SLC11A1: variants seen among roughly 807,000 people sequenced by gnomAD.
The protein encoded by SLC11A1 is natural resistance-associated macrophage protein 1.
In SLC11A1, 59 loss-of-function variants were observed where a neutral mutation model predicts 63.2. The observed-to-expected ratio is 0.93, with a 90% CI of 0.76 to 1.16. The LOEUF (loss-of-function observed/expected upper bound fraction) is 1.16, where lower values mean the gene tolerates loss of function less well. Among genes scored for constraint, SLC11A1 ranks in the 50% most tolerant of loss-of-function variants. The pLI, the probability that SLC11A1 is intolerant of heterozygous loss-of-function variation, is 0.00. For synonymous variants in SLC11A1, 305 were observed against 307.8 expected, an observed-to-expected ratio of 0.99 and a Z score of 0.09; for missense variants, 688 against 730.7, an observed-to-expected ratio of 0.94 and a Z score of 0.67.
rs577206629 is a variant in SLC11A1, at chr2:218,395,345, G to A, written c.*310G>A. Reference sequence around the variant, plus strand: ...AAAAGGTATTTATTGAGCACCTGCAGGCGTGACCTGACAGCCCAAGGGTGG... The same window carrying A: ...AAAAGGTATTTATTGAGCACCTGCAAGCGTGACCTGACAGCCCAAGGGTGG... On this transcript the variant is annotated 3_prime_UTR_variant, in exon 15 of 15. Coordinates refer to ENST00000233202, the MANE Select transcript of SLC11A1 (RefSeq NM_000578.4). 1.5e-3 allele frequency: 485 copies of A among 316,058 alleles called. 2 individuals carry two copies. The highest frequency in any genetic ancestry group is 9.9e-3 in the African/African-American group (466 of 47,282). The allele number at this position is 316,058 out of a possible 1,614,324, so 19.6% of individuals were successfully genotyped here. A position where few individuals can be genotyped will look rare whatever the true frequency, so the allele number is the denominator to read the frequency against.
At chr2:218,387,385 C>G (rs1696160674) in intron 6 of SLC11A1, among the ~76,000 whole-genome samples, 155 bp downstream of exon 6, 1 of 152,214 alleles carries the variant, frequency 6.6e-6, no homozygotes, top group South Asian at 2.1e-4. Context: ...CTCTCTTCAC[C>G]TGTAACATGG....
Position 218,387,596 on chromosome 2 carries a change from CCT to C in SLC11A1, c.604_605del (p.Leu202TyrfsTer11). On this transcript the variant is annotated frameshift_variant, in exon 7 of 15. Coordinates refer to ENST00000233202, the MANE Select transcript of SLC11A1 (RefSeq NM_000578.4). LOFTEE classifies it high-confidence loss of function. Reference sequence around the variant, plus strand: ...GGAAGCTGGAAGCTTTTTTTGGACTCCTTATAACCATTATGGCCTTGACCTTT... The same window carrying C: ...GGAAGCTGGAAGCTTTTTTTGGACTCTATAACCATTATGGCCTTGACCTTT... ...LRKLEAFFGL[L>X]ITIMALTFGY... The C allele has an allele frequency of 6.2e-7, 1 of 1,614,100 alleles. No individual in the cohort carries two copies. Among genetic ancestry groups the C allele is most frequent in the Non-Finnish European group, 8.5e-7 (1 of 1,180,014 alleles).
Position 218,384,160 on chromosome 2 carries a change from C to G in SLC11A1, c.151-83C>G, listed in dbSNP as rs1695946924. On this transcript the variant is annotated intron_variant, in intron 2 of 14. Transcript: ENST00000233202. The surrounding 1 kb of genome is among the most constrained non-coding windows in gnomAD (Gnocchi z 4.0). Reference sequence around the variant, plus strand: ...GGCTGGGCTGATGAGCCTGTTGGGGCTCCTCTAGGGGATGGCCAAGGCCAG... The same window carrying G: ...GGCTGGGCTGATGAGCCTGTTGGGGGTCCTCTAGGGGATGGCCAAGGCCAG... The G allele has an allele frequency of 7.8e-6, 11 of 1,411,210 alleles. No homozygotes were observed. Among genetic ancestry groups the G allele is most frequent in the Non-Finnish European group, 1.0e-5 (11 of 1,057,862 alleles). 87.4% of individuals were successfully genotyped at this position (1,411,210 alleles called of 1,614,324 possible).
At chr2:218,392,784 A>G (rs1231574823) in intron 11 of SLC11A1, 197 bp from the exon 12 acceptor site, 1 of 494,068 alleles carries the variant, frequency 2.0e-6, no homozygotes, top group African/African-American at 2.0e-5. Context: ...GTCTTCAGCA[A>G]CCAGCTATGG....
At chr2:218,391,311 G>GGGC in intron 10 of SLC11A1, 24 bp downstream of exon 10, 2 of 646,234 alleles carry the variant, frequency 3.1e-6, no homozygotes, top group Non-Finnish European at 2.8e-6. Context: ...GGTGGGGAGG[G>GGGC]CGTGACCCAG....
chr2:218,394,008 G>T, intron 12 of SLC11A1, 112 bp from the exon 13 acceptor site: 1 of 988,394 alleles, frequency 1.0e-6, no homozygotes, highest in Non-Finnish European at 1.5e-6. Context: ...TGTGGTTAGG[G>T]CAGTTGAGCT....
chr2:218,391,131 G>A (rs1696409564), intron 9 of SLC11A1, 67 bp from the exon 10 acceptor site: 1 of 1,411,960 alleles, frequency 7.1e-7, no homozygotes, highest in Non-Finnish European at 1.0e-6. Flanking sequence ...GTCAGTGCTA[G>A]GCAGTCCAGT....
At chr2:218,388,771 C>T (rs894231132) in intron 8 of SLC11A1, among the ~76,000 whole-genome samples, 8 of 151,496 alleles carry the variant, frequency 5.3e-5, no homozygotes, top group Non-Finnish European at 1.2e-4. Flanking sequence ...CATTGCACTC[C>T]AGCCTGAGTG....
intron 3 of SLC11A1, 131 bp from the exon 4 acceptor site, chr2:218,385,016 C>T (rs1021134359): frequency 2.0e-5 from 25 of 1,253,828 alleles, no homozygotes; most frequent in Non-Finnish European, 2.3e-5. Context: ...GCTACCAGCG[C>T]CCAGCCAGGA....
chr2:218,390,049 C>A, intron 9 of SLC11A1, 21 bp downstream of exon 9: 1 of 1,598,260 alleles, frequency 6.3e-7, no homozygotes, highest in Non-Finnish European at 8.5e-7. Flanking sequence ...CTTTCCCCCG[C>A]ACCTGAGGCC....
chr2:218,391,586 T>TTTTCTTTTC (rs2106336800), intron 11 of SLC11A1, 91 bp downstream of exon 11: 2 of 1,331,962 alleles, frequency 1.5e-6, no homozygotes, highest in East Asian at 2.5e-5. Context: ...GTGGGTCCTC[T>TTTTCTTTTC]TTTCTTTTCT....
At chr2:218,394,401 C>G in intron 13 of SLC11A1, 1 of 686,386 alleles carries the variant, frequency 1.5e-6, no homozygotes, top group Non-Finnish European at 2.4e-6. Context: ...AGAGCCTGAG[C>G]GCCTCACTCT....
At chr2:218,393,525 A>G (rs1051326273) in intron 12 of SLC11A1, among the ~76,000 whole-genome samples, 3 of 144,880 alleles carry the variant, frequency 2.1e-5, no homozygotes, top group East Asian at 2.0e-4. Context: ...TACCCAGGCT[A>G]GAGTGCAGTG....
At position 218,387,876 on chromosome 2, in the gene SLC11A1, C is replaced by A. The variant is rs763731326; in HGVS notation, c.716C>A (p.Pro239His). ...CCCTCGTGCCCGGGCTGCGGCCACC[C>A]CGAGCTGCTGCAGGCGGTGGGCATT... Reference protein sequence around the residue: ...FLPSCPGCGHPELLQAVGIVG... With the variant: ...FLPSCPGCGHHELLQAVGIVG... The change falls in exon 8 of 15, where the codon CCC becomes CAC. Residue 239 changes from proline to histidine, a missense_variant. By Grantham distance (77) the Pro-to-His change is moderately conservative. Coordinates refer to ENST00000233202, the MANE Select transcript of SLC11A1 (RefSeq NM_000578.4). 1.0e-5 allele frequency: 16 copies of A among 1,603,280 alleles called. No individual in the cohort carries two copies. The highest frequency in any genetic ancestry group is 1.4e-5 in the Non-Finnish European group (16 of 1,175,398).
At position 218,394,941 on chromosome 2, in the gene SLC11A1, T is replaced by C. The variant is rs781310856; in HGVS notation, c.1559T>C (p.Leu520Pro). The C allele has an allele frequency of 1.2e-6, 2 of 1,613,140 alleles. No individual in the cohort carries two copies. The highest frequency in any genetic ancestry group is 8.5e-7 in the Non-Finnish European group (1 of 1,179,688). The change falls in exon 15 of 15, where the codon CTT (leucine) becomes CCT (proline). Residue 520 changes from leucine to proline, a missense_variant. Leu to Pro is a moderately conservative substitution (Grantham distance 98, BLOSUM62 -3). Coordinates refer to ENST00000233202, the MANE Select transcript of SLC11A1 (RefSeq NM_000578.4). ...LSTYLVWTCC[L>P]AHGATFLAHS... is the part of the protein sequence containing the mutation. ...CTCCCCCAGGTCTGGACCTGTTGCC[T>C]TGCCCACGGAGCCACCTTTCTGGCC...
At chr2:218,392,014 CT>C (rs1460941170) in intron 11 of SLC11A1, 1 of 311,876 alleles carries the variant, frequency 3.2e-6, no homozygotes, top group Non-Finnish European at 6.5e-6. Flanking sequence ...CCTTGGACTC[CT>C]GAAGTGCTGG....
intron 8 of SLC11A1, chr2:218,388,453 T>C (rs1487098512): frequency 6.5e-6 from 1 of 154,446 alleles, no homozygotes; most frequent in Non-Finnish European, 1.4e-5. Context: ...TTCTAGAGTT[T>C]CCGTGCTAGT....
intron 11 of SLC11A1, 168 bp downstream of exon 11, chr2:218,391,663 C>G: frequency 1.1e-6 from 1 of 926,074 alleles, no homozygotes; most frequent in Non-Finnish European, 1.6e-6. Flanking sequence ...TCGCTCTTGT[C>G]GCCCAGGCTG....
rs1036498512 is a variant in SLC11A1, at chr2:218,391,395, T to A, written c.1064T>A (p.Leu355Gln). 1.9e-6 allele frequency: 3 copies of A among 1,613,916 alleles called. No individual in the cohort carries two copies. Among genetic ancestry groups the A allele is most frequent in the Admixed American group, 3.3e-5 (2 of 59,996 alleles). ...IYQGGVILGC[L>Q]FGPAALYIWA... ...CTGCAGGGCGTGATCCTGGGCTGCC[T>A]GTTCGGCCCCGCGGCCCTCTACATC... is the stretch of plus-strand genomic sequence containing the variant. The change falls in exon 11 of 15, where the codon CTG becomes CAG. Residue 355 changes from leucine to glutamine, a missense_variant. Leu to Gln is a moderately radical substitution (Grantham distance 113). Transcript: ENST00000233202.
Sources: allele counts gnomAD v4.1 joint callset (sites outside exome capture counted in the v4.1 genomes callset), GRCh38; gene constraint gnomAD v4.1.1; non-coding constraint Gnocchi (gnomAD v3.1); transcripts MANE v1.5; gene names NCBI Gene and HGNC (gene_info 2026-07-23, HGNC 2026-07-21).